MAP9: variants seen among roughly 807,000 people sequenced by gnomAD.
The protein encoded by MAP9 is microtubule associated protein 9, also known as microtubule-associated protein 9.
A neutral mutation model predicts 75.2 loss-of-function variants in MAP9; 80 were observed. The ratio of observed to expected loss-of-function variants is 1.06; its 90% CI spans 0.89 to 1.28. The LOEUF (loss-of-function observed/expected upper bound fraction) is 1.28, where lower values mean the gene tolerates loss of function less well. Ranked by LOEUF, MAP9 falls within the 50% of genes most tolerant of loss-of-function variation. The pLI is 0.00. For missense variants in MAP9, 753 were observed against 719.9 expected, an observed-to-expected ratio of 1.05 and a Z score of -0.53; for synonymous variants, 235 against 237.3, an observed-to-expected ratio of 0.99 and a Z score of 0.09.
intron 13 of MAP9, among the ~76,000 whole-genome samples, chr4:155,348,726 T>C (rs986095661): frequency 6.6e-6 from 1 of 152,202 alleles, no homozygotes; most frequent in Non-Finnish European, 1.5e-5. Context: ...TTTAAATGTA[T>C]GGTATTTGCC....
At chr4:155,375,170 T>G (rs762383389) in intron 2 of MAP9, 149 bp from the exon 3 acceptor site, 20 of 572,884 alleles carry the variant, frequency 3.5e-5, no homozygotes, top group Non-Finnish European at 5.2e-5. Flanking sequence ...GCTCACTTTA[T>G]GCCATGTACC....
intron 3 of MAP9, 132 bp from the exon 4 acceptor site, chr4:155,373,588 TA>T (rs149681011): frequency 0.21 from 118,994 of 557,858 alleles, 14,769 homozygotes; most frequent in African/African-American, 0.44. Flanking sequence ...ATGTATTTTA[TA>T]AATAGACTTG....
intron 5 of MAP9, among the ~76,000 whole-genome samples, chr4:155,364,919 T>G (rs1732257479): frequency 6.6e-6 from 1 of 151,580 alleles, no homozygotes; most frequent in South Asian, 2.1e-4. Context: ...ACTAAAAGAT[T>G]CATGATTATC....
At chr4:155,362,265 C>A in intron 5 of MAP9, 124 bp from the exon 6 acceptor site, 1 of 619,984 alleles carries the variant, frequency 1.6e-6, no homozygotes, top group Non-Finnish European at 2.7e-6. Context: ...ATTATTTAGG[C>A]ATTTGTTGCT....
intron 13 of MAP9, among the ~76,000 whole-genome samples, chr4:155,349,040 T>C (rs1379870613): frequency 2.0e-5 from 3 of 152,128 alleles, no homozygotes; most frequent in African/African-American, 7.2e-5. Flanking sequence ...CTCTGAAACA[T>C]GTTTTAAAAC....
chr4:155,365,081 G>T (rs1010319900), intron 5 of MAP9, among the ~76,000 whole-genome samples: 44 of 151,816 alleles, frequency 2.9e-4, no homozygotes, highest in African/African-American at 1.0e-3. Flanking sequence ...ATTCATAAAT[G>T]GACTAAACAC....
intron 4 of MAP9, among the ~76,000 whole-genome samples, chr4:155,370,444 T>C (rs1031093388): frequency 2.0e-5 from 3 of 152,216 alleles, no homozygotes; most frequent in African/African-American, 7.2e-5. Context: ...TTGTCATCTG[T>C]GTTTCTGAAA....
At chr4:155,357,350 A>G (rs1274274231) in intron 8 of MAP9, 99 bp downstream of exon 8, 2 of 792,854 alleles carry the variant, frequency 2.5e-6, no homozygotes, top group African/African-American at 3.4e-5. Context: ...AAAAGAAAAT[A>G]CAGTAACACC....
chr4:155,346,619 C>T lies in MAP9; in HGVS notation c.*1164G>A, dbSNP rs1467583202. ...TTTATATGTAAGATGAAGCCGGTAACACCTACCCTGAAAAGTTGTTGTAAA... is the reference window on the plus strand; with the variant it reads ...TTTATATGTAAGATGAAGCCGGTAATACCTACCCTGAAAAGTTGTTGTAAA... On this transcript the variant is annotated 3_prime_UTR_variant, in exon 14 of 14. Coordinates refer to ENST00000311277, the MANE Select transcript of MAP9 (RefSeq NM_001039580.2). 6.6e-6 allele frequency: 1 copy of T among 152,434 alleles called. No homozygotes were observed. Among genetic ancestry groups the T allele is most frequent in the Non-Finnish European group, 1.5e-5 (1 of 68,024 alleles). 9.4% of individuals were successfully genotyped at this position (152,434 alleles called of 1,614,324 possible). A position where few individuals can be genotyped will look rare whatever the true frequency, so the allele number is the denominator to read the frequency against.
chr4:155,360,831 C>CTAGTA (rs1406112954), intron 6 of MAP9, among the ~76,000 whole-genome samples: 3 of 151,974 alleles, frequency 2.0e-5, no homozygotes, highest in African/African-American at 7.2e-5. Context: ...ACTACAGTTA[C>CTAGTA]TAGTAGTACA....
At chr4:155,374,581 G>A (rs111903726) in intron 3 of MAP9, among the ~76,000 whole-genome samples, 5 of 152,262 alleles carry the variant, frequency 3.3e-5, no homozygotes, top group African/African-American at 1.2e-4. Flanking sequence ...TGTGGGACTA[G>A]TTACTAACTA....
intron 4 of MAP9, 50 bp downstream of exon 4, chr4:155,373,086 C>G: frequency 7.6e-7 from 1 of 1,314,788 alleles, no homozygotes; most frequent in Non-Finnish European, 1.0e-6. Context: ...GACTGATTAT[C>G]TTAAAATAAA....
chr4:155,373,748 C>G (rs959443028), intron 3 of MAP9, among the ~76,000 whole-genome samples: 2 of 152,148 alleles, frequency 1.3e-5, no homozygotes, highest in African/African-American at 4.8e-5. Context: ...AAAAAGCCAT[C>G]CAAAGGTCCC....
At chr4:155,357,918 G>A (rs1420224727) in intron 7 of MAP9, among the ~76,000 whole-genome samples, 4 of 152,052 alleles carry the variant, frequency 2.6e-5, no homozygotes, top group African/African-American at 9.7e-5. Flanking sequence ...GAGAAGGGAC[G>A]GAACCTGTTA....
chr4:155,376,908 G>C lies in MAP9; in HGVS notation c.-202C>G, dbSNP rs1732876147. 6.6e-6 allele frequency: 1 copy of C among 152,594 alleles called. No homozygotes were observed. Among genetic ancestry groups the C allele is most frequent in the Admixed American group, 6.5e-5 (1 of 15,268 alleles). The allele number at this position is 152,594 out of a possible 1,614,324, so 9.5% of individuals were successfully genotyped here. A position where few individuals can be genotyped will look rare whatever the true frequency, so the allele number is the denominator to read the frequency against. On this transcript the variant is annotated 5_prime_UTR_variant, in exon 1 of 14. Coordinates refer to ENST00000311277, the MANE Select transcript of MAP9 (RefSeq NM_001039580.2). ...TGACTTCCCCACCGCCGGGTCTCTC[G>C]GGTACCCAACACCGCTCTTCGGCCC...
chr4:155,346,660 T>C lies in MAP9; in HGVS notation c.*1123A>G, dbSNP rs1731298021. The C allele has an allele frequency of 6.6e-6, 1 of 152,570 alleles. No individual in the cohort carries two copies. The highest frequency in any genetic ancestry group is 1.5e-5 in the Non-Finnish European group (1 of 68,030). The allele number at this position is 152,570 out of a possible 1,614,324, so 9.5% of individuals were successfully genotyped here. On this transcript the variant is annotated 3_prime_UTR_variant, in exon 14 of 14. Transcript: ENST00000311277. ...TTGTTGTAAAGATGTTAAATACATTTGTAAAGGTCCAGTAGAGATTATATA... is the reference window on the plus strand; with the variant it reads ...TTGTTGTAAAGATGTTAAATACATTCGTAAAGGTCCAGTAGAGATTATATA...
Position 155,368,816 on chromosome 4 carries a change from A to C in MAP9, c.482-4T>G. ...GTGTCAAGGCTGTTGTTTTCTGCTG[A>C]AAAATAAAATGCTTAAAGTGTGTGT... On this transcript the variant is annotated splice_region_variant and splice_polypyrimidine_tract_variant and intron_variant, in intron 4 of 13. Coordinates refer to ENST00000311277, the MANE Select transcript of MAP9 (RefSeq NM_001039580.2). The C allele has an allele frequency of 1.3e-6, 2 of 1,598,154 alleles. No individual in the cohort carries two copies. Among genetic ancestry groups the C allele is most frequent in the Non-Finnish European group, 1.7e-6 (2 of 1,172,896 alleles).
intron 13 of MAP9, chr4:155,352,224 CT>C: frequency 5.6e-6 from 1 of 178,502 alleles, no homozygotes; most frequent in Non-Finnish European, 1.2e-5. Flanking sequence ...TTCAGTGTTA[CT>C]TTTTGTCATG....
At chr4:155,357,865 G>A (rs1278130109) in intron 7 of MAP9, among the ~76,000 whole-genome samples, 1 of 152,068 alleles carries the variant, frequency 6.6e-6, no homozygotes, top group African/African-American at 2.4e-5. Flanking sequence ...AGGGCCCACC[G>A]AAAGGTCTAT....
Sources: allele counts gnomAD v4.1 joint callset (sites outside exome capture counted in the v4.1 genomes callset), GRCh38; gene constraint gnomAD v4.1.1; transcripts MANE v1.5; gene names NCBI Gene and HGNC (gene_info 2026-07-23, HGNC 2026-07-21).